PHYKPL: variants seen among roughly 807,000 people sequenced by gnomAD.
The protein encoded by PHYKPL is 5-phosphohydroxy-L-lysine phospho-lyase, also known as 5-phosphonooxy-L-lysine phospho-lyase.
In PHYKPL, 42 loss-of-function variants were observed where a neutral mutation model predicts 51.3. The observed-to-expected ratio is 0.82, with a 90% CI of 0.64 to 1.06. PHYKPL has a LOEUF of 1.06. Among genes scored for constraint, PHYKPL ranks in the 50% least tolerant of loss-of-function variants. The pLI, the probability that PHYKPL is intolerant of heterozygous loss-of-function variation, is 0.00. For synonymous variants in PHYKPL, 264 were observed against 236.0 expected, an observed-to-expected ratio of 1.12 and a Z score of -1.09; for missense variants, 655 against 586.6, an observed-to-expected ratio of 1.12 and a Z score of -1.20.
intron 10 of PHYKPL, among the ~76,000 whole-genome samples, chr5:178,213,481 T>C (rs1401084831): frequency 6.6e-6 from 1 of 151,790 alleles, no homozygotes; most frequent in Non-Finnish European, 1.5e-5. Flanking sequence ...ATGTCCAACA[T>C]TGCAGTTGGT....
intron 4 of PHYKPL, 53 bp from the exon 5 acceptor site, chr5:178,224,782 G>A (rs994301899): frequency 1.4e-6 from 2 of 1,436,824 alleles, no homozygotes; most frequent in African/African-American, 1.4e-5. Flanking sequence ...CTACTCCCTG[G>A]CCCAGTCTGA....
intron 12 of PHYKPL, chr5:178,211,663 G>A (rs1037196663): frequency 1.4e-5 from 7 of 496,384 alleles, no homozygotes; most frequent in Non-Finnish European, 2.2e-5. Flanking sequence ...GGGGTTCCAC[G>A]TGGATACAGC....
chr5:178,209,589 C>T (rs995951241), intron 12 of PHYKPL: 118 of 702,090 alleles, frequency 1.7e-4, no homozygotes, highest in Admixed American at 5.9e-4. Context: ...ATAGGAACGG[C>T]TCTGGGTCAG....
intron 4 of PHYKPL, 133 bp downstream of exon 4, chr5:178,225,222 C>T (rs1762050565): frequency 2.0e-6 from 2 of 1,025,574 alleles, no homozygotes; most frequent in Non-Finnish European, 1.4e-6. Context: ...TGGTCCTCTG[C>T]CTGCCACACT....
At chr5:178,229,188 C>A (rs567328392) in intron 3 of PHYKPL, among the ~76,000 whole-genome samples, 1 of 150,636 alleles carries the variant, frequency 6.6e-6, no homozygotes, top group African/African-American at 2.4e-5. Flanking sequence ...CTCACTGCAA[C>A]CTCCGCCTCC....
rs776221256 is a variant in PHYKPL, at chr5:178,225,314, G to A, written c.413+41C>T. The A allele has an allele frequency of 4.4e-6, 7 of 1,603,616 alleles. No individual in the cohort carries two copies. In the Admixed American group the frequency reaches 5.0e-5, roughly 11 times the overall value. On this transcript the variant is annotated intron_variant, in intron 4 of 12. Transcript: ENST00000308158. Reference sequence around the variant, plus strand: ...TCACGGATCACCAAGAAGCCTGTGGGCCAGGCTTCTGGGAACGGTAGGGCT... The same window carrying A: ...TCACGGATCACCAAGAAGCCTGTGGACCAGGCTTCTGGGAACGGTAGGGCT...
chr5:178,210,067 C>T (rs1757713358), intron 12 of PHYKPL: 4 of 1,585,768 alleles, frequency 2.5e-6, no homozygotes, highest in Middle Eastern at 1.7e-4. Context: ...GGCAGGATTT[C>T]CTCCATCCTA....
At chr5:178,213,708 T>C (rs1759139284) in intron 10 of PHYKPL, among the ~76,000 whole-genome samples, 1 of 152,238 alleles carries the variant, frequency 6.6e-6, no homozygotes, top group South Asian at 2.1e-4. Context: ...TGATCATTGT[T>C]CCCCTTCTTT....
chr5:178,210,864 TC>T, intron 12 of PHYKPL: 2 of 552,602 alleles, frequency 3.6e-6, no homozygotes, highest in East Asian at 6.2e-5. Flanking sequence ...TATTACCAGG[TC>T]CCCCAGAAGC....
In PHYKPL at chr5:178,214,812, C is replaced by T. The variant is rs762658037; in HGVS notation, c.1156G>A (p.Ala386Thr). The T allele has an allele frequency of 1.2e-6, 2 of 1,613,956 alleles. No homozygotes were observed. The highest frequency in any genetic ancestry group is 1.1e-5 in the South Asian group (1 of 91,068). ...AGAAAATACCTTGATACCAAGTAGG[C>T]AGCCTCTTCAGTTGCTGGTGTCCTT... ...ATRTPATEEAAYLVSRLKENY... is the reference protein window; with the variant it reads ...ATRTPATEEATYLVSRLKENY... The change falls in exon 10 of 13, where the codon GCC becomes ACC. Residue 386 changes from alanine to threonine, a missense_variant. By Grantham distance (58) the Ala-to-Thr change is moderately conservative (BLOSUM62 0). Transcript: ENST00000308158.
Position 178,213,108 on chromosome 5 carries a change from GA to G in PHYKPL, c.1173-6del. The G allele has an allele frequency of 6.2e-7, 1 of 1,613,904 alleles. No individual in the cohort carries two copies. Among genetic ancestry groups the G allele is most frequent in the African/African-American group, 1.3e-5 (1 of 75,072 alleles). ...AAAACGTAGTTCTCCTTCAGCCTGT[GA>G]GGACAGGACACCCCTTCACATGGCC... On this transcript the variant is annotated splice_polypyrimidine_tract_variant and splice_region_variant and intron_variant, in intron 10 of 12. Transcript: ENST00000308158.
rs1207882298 is a variant in PHYKPL at position 178,222,471 on chromosome 5, G to A, written c.811C>T (p.Pro271Ser). ...GACTTGCCCATGGTGACGATGTCAG[G>A]GACGAAGTCTTTTCCCTGGAGCTGG... ...AFQLQGKDFV[P>S]DIVTMGKSIG... Residue 271 changes from proline (P) to serine (S), a missense_variant, in exon 8 of 13, where the codon CCT (proline) becomes TCT (serine). Physicochemically the swap from Pro to Ser is moderately conservative, Grantham distance 74 (BLOSUM62 -1). Transcript: ENST00000308158. 5 of 1,614,160 alleles carry A rather than the reference G, an allele frequency of 3.1e-6. No individual in the cohort carries two copies. The highest frequency in any genetic ancestry group is 1.7e-5 in the Admixed American group (1 of 60,014).
intron 3 of PHYKPL, among the ~76,000 whole-genome samples, chr5:178,226,924 T>C (rs1458882029): frequency 1.3e-5 from 2 of 152,100 alleles, no homozygotes; most frequent in Admixed American, 6.5e-5. Context: ...TGTATTTATA[T>C]ATATATGTGT....
intron 10 of PHYKPL, among the ~76,000 whole-genome samples, chr5:178,214,094 T>TA (rs2113734623): frequency 6.6e-6 from 1 of 152,240 alleles, no homozygotes; most frequent in South Asian, 2.1e-4. Flanking sequence ...CAAGTTCAAA[T>TA]ACAGCACAGA....
chr5:178,231,124 C>T (rs1763308320), intron 2 of PHYKPL, among the ~76,000 whole-genome samples: 1 of 152,224 alleles, frequency 6.6e-6, no homozygotes, highest in Admixed American at 6.5e-5. Context: ...TGCTACGTTG[C>T]TGGTCACAGC....
chr5:178,231,956 T>C, intron 1 of PHYKPL: 1 of 1,241,696 alleles, frequency 8.1e-7, no homozygotes, highest in Non-Finnish European at 1.0e-6. Context: ...CTGCTGCCCC[T>C]CGCTGGGTGC....
At chr5:178,210,349 C>T (rs1757845245) in intron 12 of PHYKPL, 2 of 1,602,274 alleles carry the variant, frequency 1.2e-6, no homozygotes, top group Non-Finnish European at 1.7e-6. Context: ...GAGCCACTGG[C>T]AGCAGGGGCT....
chr5:178,218,074 G>A (rs1176776767), intron 8 of PHYKPL, among the ~76,000 whole-genome samples: 2 of 112,864 alleles, frequency 1.8e-5, no homozygotes, highest in Non-Finnish European at 1.8e-5. Context: ...AAAATTAGCC[G>A]GGCGTGGTAG....
Position 178,211,957 on chromosome 5 carries a change from C to A in PHYKPL, c.1317G>T (p.Lys439Asn), listed in dbSNP as rs746175141. 4 of 1,614,050 alleles carry A rather than the reference C, an allele frequency of 2.5e-6. No individual in the cohort carries two copies. The highest frequency in any genetic ancestry group is 3.4e-6 in the Non-Finnish European group (4 of 1,180,012). The change falls in exon 12 of 13, where the codon AAG (lysine) becomes AAT (asparagine). Residue 439 changes from lysine to asparagine, a missense_variant. Coordinates refer to ENST00000308158, the MANE Select transcript of PHYKPL (RefSeq NM_153373.4). ...GCCTCAGCGTTTCACAACTTCTCACCTTCTCTTCCATGTCTGAAAAAGACC... is the reference window on the plus strand; with the variant it reads ...GCCTCAGCGTTTCACAACTTCTCACATTCTCTTCCATGTCTGAAAAAGACC... ...LDAILTDMEEKVRSCETLRLQ... is the reference protein window; with the variant it reads ...LDAILTDMEENVRSCETLRLQ...
Sources: gnomAD v4.1 joint callset for allele counts (sites outside exome capture counted in the v4.1 genomes callset) on GRCh38, gnomAD v4.1.1 for gene constraint, MANE v1.5 for transcripts, NCBI Gene and HGNC (gene_info 2026-07-23, HGNC 2026-07-21) for gene names.